MAGI2: variants seen among roughly 807,000 people sequenced by gnomAD.
MAGI2 encodes membrane associated guanylate kinase, WW and PDZ domain containing 2, also known as membrane-associated guanylate kinase, WW and PDZ domain-containing protein 2.
MAGI2 carries 35 observed loss-of-function variants against 133.3 expected under a neutral mutation model. That is an observed-to-expected ratio of 0.26 (90% CI 0.20 to 0.35). The LOEUF is 0.35. MAGI2 is among the 10% of genes least tolerant of loss of function. The pLI, the probability that MAGI2 is intolerant of heterozygous loss-of-function variation, is 1.00. For missense variants in MAGI2, 1,636 were observed against 1,863.4 expected, an observed-to-expected ratio of 0.88 and a Z score of 2.25; for synonymous variants, 729 against 710.6, an observed-to-expected ratio of 1.03 and a Z score of -0.41.
At chr7:78,066,167 A>G (rs546132778) in intron 21 of MAGI2, among the ~76,000 whole-genome samples, 1 of 152,280 alleles carries the variant, frequency 6.6e-6, no homozygotes, top group South Asian at 2.1e-4. Context: ...TGCGTATTAA[A>G]TTCAAAATTC....
intron 18 of MAGI2, among the ~76,000 whole-genome samples, chr7:78,129,373 T>C (rs1821316047): frequency 6.6e-6 from 1 of 152,192 alleles, no homozygotes; most frequent in African/African-American, 2.4e-5. Context: ...GTGAATAATA[T>C]ACCAGCTAGG....
intron 2 of MAGI2, among the ~76,000 whole-genome samples, chr7:78,991,955 T>C (rs1306552505): frequency 2.6e-5 from 4 of 152,034 alleles, no homozygotes; most frequent in Non-Finnish European, 5.9e-5. Flanking sequence ...CTCTTAATCA[T>C]AAGAAATCTG....
intron 1 of MAGI2, among the ~76,000 whole-genome samples, chr7:79,374,527 A>T (rs1843257833): frequency 6.6e-6 from 1 of 151,972 alleles, no homozygotes; most frequent in Admixed American, 6.6e-5. Flanking sequence ...TGAGAAAATG[A>T]ATTTATGCTT....
chr7:79,405,207 T>C (rs1845724402), intron 1 of MAGI2, among the ~76,000 whole-genome samples: 2 of 152,162 alleles, frequency 1.3e-5, no homozygotes, highest in Non-Finnish European at 2.9e-5. Flanking sequence ...ATTTATAACT[T>C]TAAATATTTA....
At chr7:79,367,856 G>GACACACACACACACACAT (rs1183514493) in intron 1 of MAGI2, among the ~76,000 whole-genome samples, 1 of 69,992 alleles carries the variant, frequency 1.4e-5, no homozygotes, top group Non-Finnish European at 2.7e-5. Flanking sequence ...TTATATATGT[G>GACACACACACACACACAT]ACATATATAT....
chr7:79,027,215 G>A (rs1809984447), intron 1 of MAGI2, among the ~76,000 whole-genome samples: 1 of 151,946 alleles, frequency 6.6e-6, no homozygotes, highest in African/African-American at 2.4e-5. Context: ...TTTGAAATGA[G>A]ATTGTCAAAG....
rs189745534 is a variant in MAGI2 at position 79,229,760 on chromosome 7, G to C, written c.302-222554C>G. The stretch of plus-strand genomic sequence containing the variant: ...TCTTTTCATTTAGCAAAATTTATTT[G>C]AAAAATATTCTTTTTTTTTAAGTTT... On this transcript the variant is annotated intron_variant, in intron 1 of 21. Transcript: ENST00000354212. Among the ~76,000 whole-genome samples, 217 of 151,650 alleles carry C rather than the reference G, an allele frequency of 1.4e-3. 1 individual carries two copies. Among genetic ancestry groups the C allele is most frequent in the African/African-American group, 5.1e-3 (213 of 41,408 alleles).
intron 2 of MAGI2, among the ~76,000 whole-genome samples, chr7:78,675,655 A>G (rs1814937842): frequency 1.3e-5 from 2 of 152,130 alleles, no homozygotes; most frequent in South Asian, 4.1e-4. Flanking sequence ...AGAAATTCCT[A>G]TGTTGCCGCC....
chr7:78,749,564 C>T (rs982050430), intron 2 of MAGI2, among the ~76,000 whole-genome samples: 12 of 152,098 alleles, frequency 7.9e-5, no homozygotes, highest in African/African-American at 2.9e-4. Flanking sequence ...GAAAGAAAGC[C>T]CAAAGATCAC....
chr7:79,426,510 A>C (rs530583014), intron 1 of MAGI2, among the ~76,000 whole-genome samples: 2 of 152,304 alleles, frequency 1.3e-5, no homozygotes, highest in Middle Eastern at 3.4e-3. Flanking sequence ...ATTTTCTCAC[A>C]GCTTCTGACT....
In MAGI2 at chr7:78,836,052, C is replaced by T. The variant is rs184555177; in HGVS notation, c.418+171038G>A. 1.5e-3 allele frequency among the ~76,000 whole-genome samples: 228 copies of T among 152,234 alleles called. 2 individuals are homozygous for T. In the Middle Eastern group the frequency reaches 0.031, roughly 20 times the overall value. On this transcript the variant is annotated intron_variant, in intron 2 of 21. Transcript: ENST00000354212. The stretch of plus-strand genomic sequence containing the variant: ...CAAAAGGAACAGTAATGGGTATTCC[C>T]GTAGAATTTTCTTTCTTTGTGCAGC...
At position 78,059,777 on chromosome 7, in the gene MAGI2, A is replaced by ATTTTT. The variant is rs10692094; in HGVS notation, c.3706+19165_3706+19169dup. On this transcript the variant is annotated intron_variant, in intron 21 of 21. Transcript: ENST00000354212. ...AACAATGCCATATATATATATATAT[A>ATTTTT]TTTTTTTTCTGGAGTCCCTACAGCA... Among the ~76,000 whole-genome samples the ATTTTT allele has an allele frequency of 3.3e-3, 484 of 146,104 alleles. 5 individuals are homozygous for ATTTTT. Among genetic ancestry groups the ATTTTT allele is most frequent in the Middle Eastern group, 7.0e-3 (2 of 286 alleles).
At chr7:78,391,128 A>C (rs1002160866) in intron 6 of MAGI2, among the ~76,000 whole-genome samples, 2 of 152,180 alleles carry the variant, frequency 1.3e-5, no homozygotes, top group Non-Finnish European at 2.9e-5. Flanking sequence ...TATGAAGAAT[A>C]CCCCAGAACT....
chr7:78,608,025 AT>A (rs1435824471), intron 3 of MAGI2, among the ~76,000 whole-genome samples: 1 of 152,174 alleles, frequency 6.6e-6, no homozygotes, highest in Non-Finnish European at 1.5e-5. Context: ...AACACACAGC[AT>A]TGTGCCAGCA....
intron 2 of MAGI2, among the ~76,000 whole-genome samples, chr7:78,789,133 C>T (rs1827071210): frequency 6.6e-6 from 1 of 152,052 alleles, no homozygotes; most frequent in Non-Finnish European, 1.5e-5. Context: ...AAAATATATT[C>T]ATTGCATTGT....
At chr7:79,224,776 G>A (rs1830704025) in intron 1 of MAGI2, among the ~76,000 whole-genome samples, 1 of 152,198 alleles carries the variant, frequency 6.6e-6, no homozygotes. Context: ...GAAATTGTGG[G>A]AACAGAAAAT....
intron 12 of MAGI2, among the ~76,000 whole-genome samples, chr7:78,193,212 A>G (rs1828402661): frequency 6.6e-6 from 1 of 152,204 alleles, no homozygotes; most frequent in African/African-American, 2.4e-5. Flanking sequence ...AAAGCTTTGC[A>G]TTGGCTAGGA....
chr7:78,251,093 G>A lies in MAGI2; in HGVS notation c.2047+4850C>T, dbSNP rs146047688. On this transcript the variant is annotated intron_variant, in intron 10 of 21. Transcript: ENST00000354212. Reference sequence around the variant, plus strand: ...TAAATTAGTTCAATAACTAAAAATCGTGTTATGTAATATACCATTATTAAT... The same window carrying A: ...TAAATTAGTTCAATAACTAAAAATCATGTTATGTAATATACCATTATTAAT... Among the ~76,000 whole-genome samples, 267 of 152,150 alleles carry A rather than the reference G, an allele frequency of 1.8e-3. 1 individual carries two copies. The highest frequency in any genetic ancestry group is 5.9e-3 in the African/African-American group (245 of 41,532).
chr7:78,644,297 C>G (rs1429078520), intron 2 of MAGI2, among the ~76,000 whole-genome samples: 1 of 151,900 alleles, frequency 6.6e-6, no homozygotes, highest in East Asian at 1.9e-4. Flanking sequence ...AGTTATAGAC[C>G]TGAACCACAC....
Sources: allele counts gnomAD v4.1 joint callset (sites outside exome capture counted in the v4.1 genomes callset), GRCh38; gene constraint gnomAD v4.1.1; transcripts MANE v1.5; gene names NCBI Gene and HGNC (gene_info 2026-07-23, HGNC 2026-07-21).